IFT80: variants seen among roughly 807,000 people sequenced by gnomAD.
IFT80 encodes the protein intraflagellar transport 80, also known as intraflagellar transport protein 80 homolog.
In IFT80, 79 loss-of-function variants were observed where a neutral mutation model predicts 107.9. That is an observed-to-expected ratio of 0.73 (90% CI 0.61 to 0.88). The LOEUF is 0.88. IFT80 is among the 40% of genes least tolerant of loss of function. The probability of loss-of-function intolerance (pLI) is 0.00; values close to 1 mark genes in which losing one functional copy is unlikely to be tolerated. For synonymous variants in IFT80, 299 were observed against 300.9 expected (o/e 0.99, Z 0.07); for missense variants, 797 against 914.2 (o/e 0.87, Z 1.65).
chr3:160,333,315 TA>T (rs1337157006), intron 8 of IFT80, among the ~76,000 whole-genome samples: 2 of 152,168 alleles, frequency 1.3e-5, no homozygotes, highest in African/African-American at 4.8e-5. Flanking sequence ...ATAAACACTG[TA>T]TACTTAGGCT....
rs562772652 is a variant in IFT80, at chr3:160,339,371, G to T, written c.777+16642C>A. 3.9e-5 allele frequency among the ~76,000 whole-genome samples: 6 copies of T among 152,148 alleles called. No individual in the cohort carries two copies. In the South Asian group the frequency reaches 1.2e-3, roughly 32 times the overall value. On this transcript the variant is annotated intron_variant, in intron 8 of 19. Transcript: ENST00000326448. ...AATGTCCAAAGACAAAAACTTGGAAGGTAGACAGAAAAATTAAAATATTTT... is the reference window on the plus strand; with the variant it reads ...AATGTCCAAAGACAAAAACTTGGAATGTAGACAGAAAAATTAAAATATTTT...
chr3:160,359,895 G>A (rs1449690715), intron 6 of IFT80, among the ~76,000 whole-genome samples: 1 of 152,220 alleles, frequency 6.6e-6, no homozygotes, highest in African/African-American at 2.4e-5. Context: ...CAAAGATGGG[G>A]AGAAACCAGA....
chr3:160,277,247 A>G, intron 18 of IFT80, 59 bp downstream of exon 18: 1 of 1,420,766 alleles, frequency 7.0e-7, no homozygotes, highest in East Asian at 2.3e-5. Flanking sequence ...TAAGTGGTAG[A>G]TGGAAAAATA....
intron 19 of IFT80, 117 bp downstream of exon 19, chr3:160,268,296 T>C (rs1713506623): frequency 1.1e-6 from 1 of 906,302 alleles, no homozygotes; most frequent in Non-Finnish European, 1.7e-6. Context: ...AAAAAGTAAT[T>C]CTTTTAGAGG....
chr3:160,336,110 C>T (rs1719443677), intron 8 of IFT80, among the ~76,000 whole-genome samples: 1 of 152,136 alleles, frequency 6.6e-6, no homozygotes, highest in African/African-American at 2.4e-5. Flanking sequence ...AATAATGTTG[C>T]TATGAGCATT....
chr3:160,307,278 G>T (rs1420630947), intron 10 of IFT80, among the ~76,000 whole-genome samples: 1 of 152,134 alleles, frequency 6.6e-6, no homozygotes, highest in African/African-American at 2.4e-5. Flanking sequence ...CTCCTGAGAA[G>T]TTAGGACCAC....
intron 8 of IFT80, among the ~76,000 whole-genome samples, chr3:160,324,451 T>C (rs900674264): frequency 6.6e-5 from 10 of 151,972 alleles, no homozygotes; most frequent in South Asian, 2.1e-4. Flanking sequence ...GGGCTTCATC[T>C]CTGGGATGCA....
At chr3:160,285,958 T>TAA in intron 12 of IFT80, 90 bp from the exon 13 acceptor site, 1 of 898,118 alleles carries the variant, frequency 1.1e-6, no homozygotes, top group Non-Finnish European at 1.8e-6. Flanking sequence ...TTATAAGAAA[T>TAA]TATTTAACTC....
At chr3:160,337,387 A>G (rs1259413582) in intron 8 of IFT80, among the ~76,000 whole-genome samples, 1 of 152,188 alleles carries the variant, frequency 6.6e-6, no homozygotes, top group Non-Finnish European at 1.5e-5. Context: ...GCACTGTGGG[A>G]GGCTGAGGCA....
chr3:160,338,849 C>T (rs1719680306), intron 8 of IFT80, among the ~76,000 whole-genome samples: 1 of 152,116 alleles, frequency 6.6e-6, no homozygotes, highest in Non-Finnish European at 1.5e-5. Context: ...TTTTCCCCTA[C>T]ATTCTGCTCC....
chr3:160,282,904 T>C (rs1714798628), intron 13 of IFT80, among the ~76,000 whole-genome samples: 1 of 152,212 alleles, frequency 6.6e-6, no homozygotes, highest in African/African-American at 2.4e-5. Flanking sequence ...TGTCCTGTCC[T>C]ACCTTTCGTA....
chr3:160,306,579 T>C (rs1716842785), intron 10 of IFT80, among the ~76,000 whole-genome samples: 1 of 152,020 alleles, frequency 6.6e-6, no homozygotes, highest in African/African-American at 2.4e-5. Context: ...TTTGCTCTCA[T>C]GTAAGGAAAA....
intron 8 of IFT80, among the ~76,000 whole-genome samples, chr3:160,322,521 C>T (rs1718321644): frequency 6.6e-6 from 1 of 152,050 alleles, no homozygotes; most frequent in African/African-American, 2.4e-5. Flanking sequence ...TTTATAACAG[C>T]ATGATTTATA....
Position 160,309,483 on chromosome 3 carries a change from C to T in IFT80, c.958-1702G>A, listed in dbSNP as rs796084031. ...AGGCAGGCAGATAACAAGGTCAGAT[C>T]GAGACCATCCTGGCTAATGCGGTGA... On this transcript the variant is annotated intron_variant, in intron 9 of 19. Coordinates refer to ENST00000326448, the MANE Select transcript of IFT80 (RefSeq NM_020800.3). Among the ~76,000 whole-genome samples the T allele has an allele frequency of 5.1e-4, 77 of 152,196 alleles. 1 individual carries two copies. The highest frequency in any genetic ancestry group is 1.8e-3 in the African/African-American group (74 of 41,540).
intron 12 of IFT80, among the ~76,000 whole-genome samples, chr3:160,290,739 T>C (rs1190830700): frequency 6.6e-6 from 1 of 152,070 alleles, no homozygotes; most frequent in Non-Finnish European, 1.5e-5. Context: ...TTTTTTGTAT[T>C]TTTAGTAAAG....
intron 9 of IFT80, among the ~76,000 whole-genome samples, chr3:160,310,676 C>A (rs1389887236): frequency 1.3e-5 from 2 of 152,132 alleles, no homozygotes; most frequent in African/African-American, 4.8e-5. Flanking sequence ...ATAGATGAAT[C>A]AGGTTTATAA....
chr3:160,310,117 G>T (rs1294723671), intron 9 of IFT80, among the ~76,000 whole-genome samples: 1 of 152,148 alleles, frequency 6.6e-6, no homozygotes, highest in African/African-American at 2.4e-5. Context: ...TCTGATTGTG[G>T]TCTATAAATA....
At chr3:160,312,795 T>C (rs1307172212) in intron 9 of IFT80, among the ~76,000 whole-genome samples, 2 of 39,740 alleles carry the variant, frequency 5.0e-5, no homozygotes, top group African/African-American at 1.9e-4. Flanking sequence ...AATATATATA[T>C]AATAAATGTA....
At chr3:160,393,866 C>T (rs1713565890) in intron 1 of IFT80, among the ~76,000 whole-genome samples, 1 of 152,100 alleles carries the variant, frequency 6.6e-6, no homozygotes, top group Non-Finnish European at 1.5e-5. Context: ...AATTCAAGAG[C>T]TAGATCACAA....
Sources: gnomAD v4.1 joint callset for allele counts (sites outside exome capture counted in the v4.1 genomes callset) on GRCh38, gnomAD v4.1.1 for gene constraint, MANE v1.5 for transcripts, NCBI Gene and HGNC (gene_info 2026-07-23, HGNC 2026-07-21) for gene names.